Variants in A1CF observed in about 807,000 individuals in gnomAD.
The protein encoded by A1CF is APOBEC1 complementation factor, also known as APOBEC-1 stimulating protein.
In A1CF, 48 loss-of-function variants were observed where a neutral mutation model predicts 68.9. The observed-to-expected ratio is 0.70, with a 90% confidence interval of 0.55 to 0.89. The LOEUF (loss-of-function observed/expected upper bound fraction) is 0.89, where lower values mean the gene tolerates loss of function less well. A1CF is among the 40% of genes least tolerant of loss of function. The pLI, the probability that A1CF is intolerant of heterozygous loss-of-function variation, is 0.00. For missense variants in A1CF, 653 were observed against 718.9 expected (o/e 0.91, Z 1.05); for synonymous variants, 272 against 260.4 (o/e 1.04, Z -0.43).
Position 50,806,636 on chromosome 10 carries a change from T to C in A1CF, c.*93A>G, listed in dbSNP as rs1837829554. The C allele has an allele frequency of 4.9e-6, 6 of 1,221,742 alleles. No homozygotes were observed. The highest frequency in any genetic ancestry group is 1.9e-5 in the South Asian group (1 of 53,206). The allele number at this position is 1,221,742 out of a possible 1,614,324, so 75.7% of individuals were successfully genotyped here. ...AGGCATTTCTTTAGGAAACATATTATTTATGATCATTGGGGACCGAGTTAG... is the reference window on the plus strand; with the variant it reads ...AGGCATTTCTTTAGGAAACATATTACTTATGATCATTGGGGACCGAGTTAG... On this transcript the variant is annotated 3_prime_UTR_variant, in exon 13 of 13. Transcript: ENST00000373997.
At chr10:50,808,317 A>C (rs932614013) in intron 12 of A1CF, among the ~76,000 whole-genome samples, 3 of 152,324 alleles carry the variant, frequency 2.0e-5, no homozygotes, top group African/African-American at 4.8e-5. Flanking sequence ...TGCCCTAAAT[A>C]TTTTTAACTT....
At chr10:50,841,738 C>T in intron 5 of A1CF, 124 bp downstream of exon 5, 1 of 1,135,862 alleles carries the variant, frequency 8.8e-7, no homozygotes, top group South Asian at 1.5e-5. Flanking sequence ...AGGAAAAATA[C>T]TAATCTATTT....
intron 6 of A1CF, among the ~76,000 whole-genome samples, chr10:50,833,980 G>T (rs1199551298): frequency 6.6e-6 from 1 of 152,120 alleles, no homozygotes. Context: ...GCATATCCTG[G>T]ACAGAGAATC....
At chr10:50,841,777 T>G (rs542980758) in intron 5 of A1CF, 85 bp downstream of exon 5, 3 of 1,514,416 alleles carry the variant, frequency 2.0e-6, no homozygotes, top group Non-Finnish European at 2.7e-6. Flanking sequence ...TTTTTTGGCA[T>G]ACACCATATT....
chr10:50,827,838 T>G (rs565562397), intron 7 of A1CF, among the ~76,000 whole-genome samples: 2 of 151,910 alleles, frequency 1.3e-5, no homozygotes, highest in East Asian at 3.9e-4. Context: ...AAAAAATCAG[T>G]GAATCCAGGA....
At chr10:50,820,107 G>A (rs1434428189) in intron 8 of A1CF, among the ~76,000 whole-genome samples, 1 of 152,106 alleles carries the variant, frequency 6.6e-6, no homozygotes, top group East Asian at 1.9e-4. Context: ...CCCTACTCTT[G>A]GCAAGGTGAG....
intron 1 of A1CF, among the ~76,000 whole-genome samples, chr10:50,876,171 T>A (rs1841502353): frequency 6.6e-6 from 1 of 152,252 alleles, no homozygotes. Flanking sequence ...ATTGTGTGTA[T>A]GTATAGATGT....
At chr10:50,861,323 G>A (rs1281500277) in intron 2 of A1CF, among the ~76,000 whole-genome samples, 3 of 149,702 alleles carry the variant, frequency 2.0e-5, no homozygotes, top group Admixed American at 1.3e-4. Flanking sequence ...TACTATTACT[G>A]ATAGCACTAA....
At chr10:50,878,783 A>G (rs1378196716) in intron 1 of A1CF, among the ~76,000 whole-genome samples, 1 of 152,214 alleles carries the variant, frequency 6.6e-6, no homozygotes, top group Non-Finnish European at 1.5e-5. Context: ...AATTCAAGTT[A>G]ATGCACCTGT....
chr10:50,862,828 A>T (rs750997353), intron 2 of A1CF: 1 of 152,228 alleles, frequency 6.6e-6, no homozygotes, highest in Non-Finnish European at 1.5e-5. Flanking sequence ...GCTTAATTAA[A>T]TTGCAAGAGC....
At chr10:50,864,964 G>A (rs1370789395) in intron 1 of A1CF, among the ~76,000 whole-genome samples, 3 of 151,996 alleles carry the variant, frequency 2.0e-5, no homozygotes, top group African/African-American at 7.2e-5. Context: ...TTTCACCCTA[G>A]AGGAAGCTAT....
intron 6 of A1CF, among the ~76,000 whole-genome samples, chr10:50,833,726 T>C (rs1488905401): frequency 6.6e-6 from 1 of 152,100 alleles, no homozygotes; most frequent in African/African-American, 2.4e-5. Flanking sequence ...GGGTAACAGG[T>C]AGAGTGATCC....
intron 1 of A1CF, among the ~76,000 whole-genome samples, chr10:50,881,060 GCTCACTGCAACCTTCGC>G (rs1841750340): frequency 1.3e-5 from 2 of 151,856 alleles, no homozygotes; most frequent in South Asian, 4.2e-4. Flanking sequence ...TGCGATCTCG[GCTCACTGCAACCTTCGC>G]CTCCTGGGTT....
chr10:50,849,542 T>C (rs1840139646), intron 3 of A1CF, among the ~76,000 whole-genome samples: 1 of 152,202 alleles, frequency 6.6e-6, no homozygotes, highest in Admixed American at 6.5e-5. Flanking sequence ...AAAGCTACGA[T>C]ATGAACATTA....
At chr10:50,883,902 A>G (rs1430504412) in intron 1 of A1CF, among the ~76,000 whole-genome samples, 4 of 152,120 alleles carry the variant, frequency 2.6e-5, no homozygotes, top group Non-Finnish European at 5.9e-5. Context: ...CTGTGCCTCC[A>G]TTTTCCCATT....
chr10:50,803,504 G>A lies in A1CF; in HGVS notation c.*3225C>T, dbSNP rs890546719. On this transcript the variant is annotated 3_prime_UTR_variant, in exon 13 of 13. Coordinates refer to ENST00000373997, the MANE Select transcript of A1CF (RefSeq NM_014576.4). ...TTGTTTGGCATGATACCAGATTGGA[G>A]GATATCCTAGTCATCTAGGAGAATT... 2 of 152,218 alleles carry A rather than the reference G, an allele frequency of 1.3e-5. No individual in the cohort carries two copies. Among genetic ancestry groups the A allele is most frequent in the African/African-American group, 2.4e-5 (1 of 41,452 alleles). 9.4% of individuals were successfully genotyped at this position (152,218 alleles called of 1,614,324 possible).
At chr10:50,853,147 G>A (rs1160611621) in intron 3 of A1CF, among the ~76,000 whole-genome samples, 2 of 152,102 alleles carry the variant, frequency 1.3e-5, no homozygotes, top group African/African-American at 4.8e-5. Context: ...TTGTTCCCAG[G>A]ACACCAGGTT....
intron 6 of A1CF, among the ~76,000 whole-genome samples, chr10:50,834,614 T>G (rs1839399363): frequency 6.6e-6 from 1 of 152,192 alleles, no homozygotes; most frequent in African/African-American, 2.4e-5. Flanking sequence ...AGCAAGGAGT[T>G]ATGAATATTT....
chr10:50,839,076 A>T (rs1489344258), intron 5 of A1CF, among the ~76,000 whole-genome samples: 1 of 152,160 alleles, frequency 6.6e-6, no homozygotes, highest in Non-Finnish European at 1.5e-5. Flanking sequence ...AAAACACCTC[A>T]TGAGGTAGGT....
Sources: gnomAD v4.1 joint callset for allele counts (sites outside exome capture counted in the v4.1 genomes callset) on GRCh38, gnomAD v4.1.1 for gene constraint, MANE v1.5 for transcripts, NCBI Gene and HGNC (gene_info 2026-07-23, HGNC 2026-07-21) for gene names.